AOX1: variants seen among roughly 807,000 people sequenced by gnomAD.
AOX1 encodes aldehyde oxidase.
AOX1 carries 153 observed loss-of-function variants against 169.5 expected under a neutral mutation model. The observed-to-expected ratio is 0.90, with a 90% confidence interval of 0.79 to 1.03. AOX1 has a LOEUF of 1.03. Among genes scored for constraint, AOX1 ranks in the 50% least tolerant of loss-of-function variants. The pLI is 0.00. For missense variants in AOX1, 1,656 were observed against 1,663.9 expected, an observed-to-expected ratio of 1.00 and a Z score of 0.08; for synonymous variants, 562 against 581.9, an observed-to-expected ratio of 0.97 and a Z score of 0.49.
intron 25 of AOX1, among the ~76,000 whole-genome samples, chr2:200,644,428 T>G (rs1461716029): frequency 6.6e-6 from 1 of 152,228 alleles, no homozygotes; most frequent in Non-Finnish European, 1.5e-5. Context: ...TTTTATACAC[T>G]ACTACACCAT....
intron 19 of AOX1, among the ~76,000 whole-genome samples, chr2:200,625,883 C>T (rs1299856611): frequency 6.6e-6 from 1 of 152,060 alleles, no homozygotes; most frequent in African/African-American, 2.4e-5. Context: ...GTCACTATCA[C>T]AAAGATTTAA....
In AOX1 at chr2:200,627,439, A is replaced by G. The variant is rs16833923; in HGVS notation, c.2211A>G (p.Gln737=). The change falls in exon 20 of 35, where the codon CAA becomes CAG. Residue 737 remains glutamine (Q), a synonymous_variant. Coordinates refer to ENST00000374700, the MANE Select transcript of AOX1 (RefSeq NM_001159.4). The part of the protein sequence containing the change: ...NVDEAFKVVD[Q]ILEGEIHMGG... ...ACGAAGCATTTAAAGTGGTTGATCAAATTCTTGAAGGTAAAAAGTAATGGA... is the reference window on the plus strand; with the variant it reads ...ACGAAGCATTTAAAGTGGTTGATCAGATTCTTGAAGGTAAAAAGTAATGGA... The G allele has an allele frequency of 4.9e-3, 7,907 of 1,611,844 alleles. 246 individuals carry two copies. The African/African-American group carries it at 0.074, about 15-fold the overall frequency.
At chr2:200,593,733 A>G (rs1186615922) in intron 2 of AOX1, among the ~76,000 whole-genome samples, 2 of 152,218 alleles carry the variant, frequency 1.3e-5, no homozygotes, top group Non-Finnish European at 2.9e-5. Context: ...ATTATGTTTC[A>G]AAGAGGGTGT....
At chr2:200,668,130 A>C (rs1408381970) in intron 32 of AOX1, among the ~76,000 whole-genome samples, 2 of 149,580 alleles carry the variant, frequency 1.3e-5, no homozygotes, top group East Asian at 3.9e-4. Context: ...TTTGAGACTA[A>C]GTTTTGCTCT....
intron 29 of AOX1, 150 bp downstream of exon 29, chr2:200,660,219 T>A (rs1574960480): frequency 1.5e-6 from 1 of 667,008 alleles, no homozygotes; most frequent in East Asian, 2.7e-5. Flanking sequence ...CTTTGGCTCT[T>A]AGCATGTGGA....
chr2:200,673,145 C>T (rs1481953226), downstream of AOX1, among the ~76,000 whole-genome samples: 3 of 152,164 alleles, frequency 2.0e-5, no homozygotes, highest in African/African-American at 7.2e-5. Context: ...CAACTCCTCC[C>T]CCTCCAGCCC....
At chr2:200,621,834 C>T (rs1240094618) in intron 18 of AOX1, among the ~76,000 whole-genome samples, 4 of 152,156 alleles carry the variant, frequency 2.6e-5, no homozygotes, top group African/African-American at 4.8e-5. Context: ...CTCACTGCAA[C>T]ATCCACCTCC....
intron 19 of AOX1, among the ~76,000 whole-genome samples, chr2:200,625,942 C>G (rs1559244436): frequency 6.6e-6 from 1 of 152,022 alleles, no homozygotes; most frequent in Non-Finnish European, 1.5e-5. Context: ...GGGCAACGAT[C>G]AAAACTCTTG....
chr2:200,628,757 C>T (rs1475461023), intron 20 of AOX1, among the ~76,000 whole-genome samples: 2 of 152,026 alleles, frequency 1.3e-5, no homozygotes, highest in Non-Finnish European at 2.9e-5. Flanking sequence ...GGCAAAAACC[C>T]CTCTCTACTA....
At chr2:200,606,146 T>A (rs1360469694) in intron 10 of AOX1, among the ~76,000 whole-genome samples, 16 of 152,232 alleles carry the variant, frequency 1.1e-4, no homozygotes, top group Admixed American at 1.0e-3. Flanking sequence ...CAATCCATCT[T>A]GAGTTAATTT....
chr2:200,643,837 G>A (rs144148429), intron 25 of AOX1, among the ~76,000 whole-genome samples: 2,292 of 152,164 alleles, frequency 0.015, 53 homozygotes, highest in African/African-American at 0.052. Context: ...TCATATTTTT[G>A]TTGGCCATTT....
At chr2:200,662,714 C>G (rs1384689954) in intron 30 of AOX1, 141 bp from the exon 31 acceptor site, 1 of 623,932 alleles carries the variant, frequency 1.6e-6, no homozygotes, top group Admixed American at 2.7e-5. Flanking sequence ...ACACATTTAT[C>G]GCACATACAT....
chr2:200,593,845 G>A (rs2034224745), intron 2 of AOX1, among the ~76,000 whole-genome samples: 1 of 152,054 alleles, frequency 6.6e-6, no homozygotes, highest in Non-Finnish European at 1.5e-5. Flanking sequence ...TCTGAAACAT[G>A]CTCATGAAAG....
chr2:200,667,016 A>G (rs2035935117), intron 32 of AOX1, among the ~76,000 whole-genome samples: 1 of 152,180 alleles, frequency 6.6e-6, no homozygotes, highest in African/African-American at 2.4e-5. Context: ...CAGGTGACTG[A>G]TGAGCTCCAA....
intron 34 of AOX1, 64 bp downstream of exon 34, chr2:200,669,806 T>C: frequency 6.4e-7 from 1 of 1,565,368 alleles, no homozygotes; most frequent in Non-Finnish European, 8.7e-7. Context: ...CCTCTGTTCT[T>C]GTGGTAAGTT....
chr2:200,632,650 T>A (rs2105736888), intron 20 of AOX1, among the ~76,000 whole-genome samples: 1 of 152,238 alleles, frequency 6.6e-6, no homozygotes, highest in South Asian at 2.1e-4. Context: ...AAAATCATTT[T>A]CTGTCTGTTT....
chr2:200,652,553 A>G (rs1452846960), intron 26 of AOX1, among the ~76,000 whole-genome samples: 1 of 152,210 alleles, frequency 6.6e-6, no homozygotes, highest in African/African-American at 2.4e-5. Context: ...GCTACCAAAG[A>G]GGTCAGCTGG....
chr2:200,617,757 G>T (rs936479171), intron 16 of AOX1, among the ~76,000 whole-genome samples: 2 of 152,040 alleles, frequency 1.3e-5, no homozygotes, highest in Non-Finnish European at 2.9e-5. Context: ...ACTTCTTAGG[G>T]TTTTAAAAAG....
intron 19 of AOX1, among the ~76,000 whole-genome samples, chr2:200,626,033 A>G (rs1338555210): frequency 1.3e-5 from 2 of 152,204 alleles, no homozygotes; most frequent in East Asian, 1.9e-4. Flanking sequence ...AATCATCAAC[A>G]ACAACATGAG....
Sources: gnomAD v4.1 joint callset for allele counts (sites outside exome capture counted in the v4.1 genomes callset) on GRCh38, gnomAD v4.1.1 for gene constraint, MANE v1.5 for transcripts, NCBI Gene and HGNC (gene_info 2026-07-23, HGNC 2026-07-21) for gene names.